Variants in CNTN5 observed in about 807,000 individuals in gnomAD.
CNTN5 encodes the protein contactin 5.
A neutral mutation model predicts 129.1 loss-of-function variants in CNTN5; 77 were observed. The observed-to-expected ratio is 0.60, with a 90% CI of 0.50 to 0.72. The LOEUF is 0.72. Among genes scored for constraint, CNTN5 ranks in the 30% least tolerant of loss-of-function variants. The pLI, the probability that CNTN5 is intolerant of heterozygous loss-of-function variation, is 0.00. For synonymous variants in CNTN5, 509 were observed against 465.6 expected, an observed-to-expected ratio of 1.09 and a Z score of -1.20; for missense variants, 1,478 against 1,328.8, an observed-to-expected ratio of 1.11 and a Z score of -1.75.
At chr11:100,268,249 G>A (rs890983280) in intron 17 of CNTN5, among the ~76,000 whole-genome samples, 1 of 152,134 alleles carries the variant, frequency 6.6e-6, no homozygotes, top group Non-Finnish European at 1.5e-5. Context: ...GGATATATAA[G>A]TATGGTGTTT....
At chr11:99,066,189 C>T (rs572600570) in intron 1 of CNTN5, among the ~76,000 whole-genome samples, 5 of 152,200 alleles carry the variant, frequency 3.3e-5, no homozygotes, top group Admixed American at 6.5e-5. Context: ...CTGCAACCTT[C>T]GCCTCCTGGG....
chr11:99,242,161 C>A (rs1254124038), intron 1 of CNTN5, among the ~76,000 whole-genome samples: 2 of 151,982 alleles, frequency 1.3e-5, no homozygotes, highest in Non-Finnish European at 2.9e-5. Context: ...GAAGTTACTT[C>A]TAGTTATTGG....
chr11:100,337,033 G>A, intron 21 of CNTN5: 1 of 923,786 alleles, frequency 1.1e-6, no homozygotes. Context: ...CACTTTGATT[G>A]ATGAAGTGTT....
At chr11:99,569,195 A>G (rs1029841393) in intron 3 of CNTN5, among the ~76,000 whole-genome samples, 1 of 152,248 alleles carries the variant, frequency 6.6e-6, no homozygotes, top group Non-Finnish European at 1.5e-5. Context: ...CATCTGTTCT[A>G]TAAGAATAGA....
intron 9 of CNTN5, among the ~76,000 whole-genome samples, chr11:100,037,722 T>G (rs1942103690): frequency 2.0e-5 from 3 of 152,222 alleles, no homozygotes; most frequent in Admixed American, 2.0e-4. Flanking sequence ...GAGGAATTTA[T>G]CCATTTCTTC....
At chr11:99,484,185 A>T (rs955691192) in intron 2 of CNTN5, among the ~76,000 whole-genome samples, 20 of 152,130 alleles carry the variant, frequency 1.3e-4, no homozygotes, top group East Asian at 7.7e-4. Flanking sequence ...CAAAAAATAA[A>T]AACAAAAAAA....
chr11:99,339,475 A>G (rs183513285), intron 2 of CNTN5, among the ~76,000 whole-genome samples: 1 of 152,210 alleles, frequency 6.6e-6, no homozygotes, highest in East Asian at 1.9e-4. Flanking sequence ...CAGAAGGGAC[A>G]TCAGGTGAAA....
At chr11:99,671,463 G>A (rs1396328730) in intron 3 of CNTN5, among the ~76,000 whole-genome samples, 2 of 152,136 alleles carry the variant, frequency 1.3e-5, no homozygotes, top group Non-Finnish European at 2.9e-5. Context: ...GTGCATGTGT[G>A]CGTGTGTGTG....
chr11:99,178,872 A>T (rs1297882375), intron 1 of CNTN5, among the ~76,000 whole-genome samples: 1 of 152,118 alleles, frequency 6.6e-6, no homozygotes, highest in Non-Finnish European at 1.5e-5. Flanking sequence ...ATCCATTAAT[A>T]TGCATTTAAA....
At chr11:99,921,707 A>G (rs1225114394) in intron 7 of CNTN5, among the ~76,000 whole-genome samples, 1 of 152,138 alleles carries the variant, frequency 6.6e-6, no homozygotes, top group Non-Finnish European at 1.5e-5. Flanking sequence ...GTTCACTGTT[A>G]TTACCCCATT....
At position 99,540,735 on chromosome 11, in the gene CNTN5, G is replaced by A. The variant is rs550314616; in HGVS notation, c.-70-15410G>A. Among the ~76,000 whole-genome samples the A allele has an allele frequency of 2.1e-4, 32 of 152,100 alleles. No individual in the cohort carries two copies. In the South Asian group the frequency reaches 6.6e-3, roughly 32 times the overall value. Reference sequence around the variant, plus strand: ...AACTGCTAAAGCAGTCTGAGCTACGGGGCTATGTCTGTCTTTCTCACTATT... The same window carrying A: ...AACTGCTAAAGCAGTCTGAGCTACGAGGCTATGTCTGTCTTTCTCACTATT... On this transcript the variant is annotated intron_variant, in intron 2 of 24. Coordinates refer to ENST00000524871, the MANE Select transcript of CNTN5 (RefSeq NM_014361.4).
At chr11:99,407,445 T>TC (rs35626671) in intron 2 of CNTN5, among the ~76,000 whole-genome samples, 113,289 of 151,970 alleles carry the variant, frequency 0.75, 43,094 homozygotes, top group African/African-American at 0.9. Flanking sequence ...GCAAAGTCCT[T>TC]CCACTCTTCT....
intron 1 of CNTN5, among the ~76,000 whole-genome samples, chr11:99,196,234 A>T (rs1297629555): frequency 6.6e-6 from 1 of 151,952 alleles, no homozygotes; most frequent in Non-Finnish European, 1.5e-5. Flanking sequence ...AAATAAAGAA[A>T]TATATATGAA....
At chr11:99,045,494 G>GT in intron 1 of CNTN5, among the ~76,000 whole-genome samples, 1 of 152,244 alleles carries the variant, frequency 6.6e-6, no homozygotes, top group Middle Eastern at 3.4e-3. Context: ...TAATATAGTT[G>GT]TATCTGTATG....
At chr11:99,152,184 C>A (rs1157680080) in intron 1 of CNTN5, among the ~76,000 whole-genome samples, 2 of 152,210 alleles carry the variant, frequency 1.3e-5, no homozygotes, top group East Asian at 1.9e-4. Context: ...AATAAACTTG[C>A]GCCCACATCA....
chr11:99,993,391 A>C (rs1233892202), intron 8 of CNTN5, among the ~76,000 whole-genome samples: 1 of 152,144 alleles, frequency 6.6e-6, no homozygotes, highest in Non-Finnish European at 1.5e-5. Context: ...CTAAAAGAAG[A>C]AGGGTAAATT....
At chr11:99,984,115 C>T (rs533231283) in intron 8 of CNTN5, among the ~76,000 whole-genome samples, 3 of 151,838 alleles carry the variant, frequency 2.0e-5, no homozygotes, top group African/African-American at 7.3e-5. Flanking sequence ...TAAAAATACA[C>T]ACAAAAAATT....
chr11:99,962,592 A>G (rs1484925250), intron 8 of CNTN5, among the ~76,000 whole-genome samples: 1 of 151,000 alleles, frequency 6.6e-6, no homozygotes, highest in Non-Finnish European at 1.5e-5. Flanking sequence ...AGTCTTTGCT[A>G]TTGTGAATAA....
At chr11:100,260,616 C>T (rs1950175168) in intron 17 of CNTN5, among the ~76,000 whole-genome samples, 1 of 152,210 alleles carries the variant, frequency 6.6e-6, no homozygotes, top group African/African-American at 2.4e-5. Context: ...TCAGCTTCAT[C>T]CCTGGGATTC....
Sources: allele counts gnomAD v4.1 joint callset (sites outside exome capture counted in the v4.1 genomes callset), GRCh38; gene constraint gnomAD v4.1.1; transcripts MANE v1.5; gene names NCBI Gene and HGNC (gene_info 2026-07-23, HGNC 2026-07-21).